DAPP1: variants seen among roughly 807,000 people sequenced by gnomAD.
DAPP1 encodes dual adapter for phosphotyrosine and 3-phosphotyrosine and 3-phosphoinositide.
Under a neutral mutation model 41.5 loss-of-function variants are expected in DAPP1, and 20 were observed. The ratio of observed to expected loss-of-function variants is 0.48; its 90% CI spans 0.34 to 0.70. DAPP1 has a LOEUF of 0.70. DAPP1 is among the 30% of genes least tolerant of loss of function. The pLI, the probability that DAPP1 is intolerant of heterozygous loss-of-function variation, is 0.01. For missense variants in DAPP1, 233 were observed against 333.4 expected (o/e 0.70, Z 2.35); for synonymous variants, 113 against 116.2 (o/e 0.97, Z 0.18).
chr4:99,829,461 CAA>C (rs772445526), intron 1 of DAPP1, among the ~76,000 whole-genome samples: 6 of 151,600 alleles, frequency 4.0e-5, no homozygotes, highest in Non-Finnish European at 7.4e-5. Flanking sequence ...GCCTGGGTGA[CAA>C]GAGTGAAACT....
At chr4:99,822,844 T>C (rs78118767) in intron 1 of DAPP1, among the ~76,000 whole-genome samples, 1,749 of 152,302 alleles carry the variant, frequency 0.011, 41 homozygotes, top group African/African-American at 0.039. Flanking sequence ...TCGACCTCTG[T>C]GTCCTACTGC....
chr4:99,823,099 T>C (rs1197460811), intron 1 of DAPP1, among the ~76,000 whole-genome samples: 2 of 152,346 alleles, frequency 1.3e-5, no homozygotes, highest in East Asian at 1.9e-4. Context: ...TTTTGAGAGA[T>C]GCATGTTGAA....
intron 1 of DAPP1, among the ~76,000 whole-genome samples, 174 bp downstream of exon 1, chr4:99,817,188 G>C (rs1722616886): frequency 6.6e-6 from 1 of 151,964 alleles, no homozygotes; most frequent in Admixed American, 6.6e-5. Context: ...TCTTGTCTGG[G>C]GCTAATTCCA....
At chr4:99,822,414 A>G (rs1722803267) in intron 1 of DAPP1, among the ~76,000 whole-genome samples, 1 of 152,150 alleles carries the variant, frequency 6.6e-6, no homozygotes, top group Non-Finnish European at 1.5e-5. Flanking sequence ...GAGGGCTGTG[A>G]CAGTGTCTAG....
chr4:99,820,994 AC>A (rs1722754717), intron 1 of DAPP1, among the ~76,000 whole-genome samples: 1 of 152,208 alleles, frequency 6.6e-6, no homozygotes, highest in Admixed American at 6.5e-5. Flanking sequence ...ATGATAATAA[AC>A]AAAATGAGTC....
intron 1 of DAPP1, among the ~76,000 whole-genome samples, chr4:99,820,623 A>G (rs1477389367): frequency 6.6e-6 from 1 of 152,208 alleles, no homozygotes; most frequent in East Asian, 1.9e-4. Flanking sequence ...TAAATTGATA[A>G]CTAATTAGTC....
At chr4:99,824,117 T>C (rs1007100455) in intron 1 of DAPP1, among the ~76,000 whole-genome samples, 1 of 152,200 alleles carries the variant, frequency 6.6e-6, no homozygotes, top group Non-Finnish European at 1.5e-5. Context: ...CAGATACTCT[T>C]GAAACCATTT....
At chr4:99,850,060 A>G (rs1723799997) in intron 3 of DAPP1, among the ~76,000 whole-genome samples, 3 of 152,216 alleles carry the variant, frequency 2.0e-5, no homozygotes, top group African/African-American at 7.2e-5. Flanking sequence ...GAATTGTAAG[A>G]TGATAAATCT....
At chr4:99,854,475 G>A (rs1164420473) in intron 4 of DAPP1, among the ~76,000 whole-genome samples, 1 of 152,150 alleles carries the variant, frequency 6.6e-6, no homozygotes, top group Non-Finnish European at 1.5e-5. Flanking sequence ...TATATCTGCA[G>A]TACTTTTCTC....
chr4:99,816,971 T>C lies in DAPP1; in HGVS notation c.58T>C (p.Trp20Arg). The change falls in exon 1 of 9, where the codon TGG becomes CGG. Residue 20 changes from tryptophan to arginine, a missense_variant. Trp to Arg is a moderately radical substitution (Grantham distance 101). Transcript: ENST00000512369. ...KMSTQDPSDL[W>R]SRSDGEAELL... is the part of the protein sequence containing the mutation. ...GAGCACCCAGGATCCCTCAGATCTGTGGAGCAGATCCGATGGAGAGGCTGA... is the reference window on the plus strand; with the variant it reads ...GAGCACCCAGGATCCCTCAGATCTGCGGAGCAGATCCGATGGAGAGGCTGA... 6 of 1,608,228 alleles carry C rather than the reference T, an allele frequency of 3.7e-6. No individual in the cohort carries two copies. The highest frequency in any genetic ancestry group is 5.1e-6 in the Non-Finnish European group (6 of 1,177,474).
intron 3 of DAPP1, among the ~76,000 whole-genome samples, chr4:99,845,723 G>T (rs1318594171): frequency 6.6e-6 from 1 of 152,136 alleles, no homozygotes; most frequent in Non-Finnish European, 1.5e-5. Context: ...TACATGAATT[G>T]CTATTTCAGA....
chr4:99,859,388 T>C (rs181411681), intron 4 of DAPP1, among the ~76,000 whole-genome samples: 12 of 152,324 alleles, frequency 7.9e-5, no homozygotes, highest in Admixed American at 7.8e-4. Flanking sequence ...TATGTGCTTA[T>C]TGTTATCAGG....
intron 3 of DAPP1, among the ~76,000 whole-genome samples, chr4:99,848,116 G>A (rs1342285095): frequency 6.6e-6 from 1 of 151,774 alleles, no homozygotes; most frequent in Non-Finnish European, 1.5e-5. Context: ...CGGCTGATAA[G>A]TTTCTTTTGA....
intron 3 of DAPP1, 25 bp from the exon 4 acceptor site, chr4:99,853,193 T>G: frequency 6.2e-7 from 1 of 1,613,298 alleles, no homozygotes; most frequent in East Asian, 2.2e-5. Flanking sequence ...CACTGTTCGA[T>G]TATATATTTT....
At chr4:99,859,615 T>C (rs776031625) in intron 4 of DAPP1, among the ~76,000 whole-genome samples, 17 of 152,348 alleles carry the variant, frequency 1.1e-4, no homozygotes, top group South Asian at 6.2e-4. Flanking sequence ...AGTACACTTA[T>C]GTGGTGATCA....
At chr4:99,842,269 C>T (rs980658172) in intron 3 of DAPP1, among the ~76,000 whole-genome samples, 1 of 152,248 alleles carries the variant, frequency 6.6e-6, no homozygotes, top group Admixed American at 6.5e-5. Context: ...TTCTCTAAAA[C>T]TCAAACCTGC....
chr4:99,824,675 CT>C (rs1423978690), intron 1 of DAPP1, among the ~76,000 whole-genome samples: 1 of 152,158 alleles, frequency 6.6e-6, no homozygotes, highest in Non-Finnish European at 1.5e-5. Context: ...TGAACCAGCA[CT>C]TTGTGAGGGA....
chr4:99,863,730 T>G, intron 6 of DAPP1, 40 bp from the exon 7 acceptor site: 1 of 1,265,406 alleles, frequency 7.9e-7, no homozygotes, highest in Non-Finnish European at 1.1e-6. Flanking sequence ...TTTTTTTTTT[T>G]TTTTTAATGG....
intron 3 of DAPP1, among the ~76,000 whole-genome samples, chr4:99,847,742 C>A (rs1220185443): frequency 1.3e-5 from 2 of 152,196 alleles, no homozygotes; most frequent in Non-Finnish European, 2.9e-5. Context: ...CGAGCTGAGG[C>A]ACTAACTTGG....
Sources: allele counts gnomAD v4.1 joint callset (sites outside exome capture counted in the v4.1 genomes callset), GRCh38; gene constraint gnomAD v4.1.1; transcripts MANE v1.5; gene names NCBI Gene and HGNC (gene_info 2026-07-23, HGNC 2026-07-21).